NRARP: variants seen among roughly 807,000 people sequenced by gnomAD.
NRARP encodes the protein notch-regulated ankyrin repeat-containing protein.
For synonymous variants in NRARP, 81 were observed against 77.4 expected, an observed-to-expected ratio of 1.05 and a Z score of -0.25; for missense variants, 83 against 161.1, an observed-to-expected ratio of 0.52 and a Z score of 2.62.
rs1244804170 is a variant in NRARP, at chr9:137,302,022, C to G, written c.-94G>C. Reference sequence around the variant, plus strand: ...CCGGCTGTCTCGGGGCGCGCCTCGGCGCATGGAGGGCGCGGCGTCCCCGGG... The same window carrying G: ...CCGGCTGTCTCGGGGCGCGCCTCGGGGCATGGAGGGCGCGGCGTCCCCGGG... On this transcript the variant is annotated 5_prime_UTR_variant, in exon 1 of 1. Coordinates refer to ENST00000356628, the MANE Select transcript of NRARP (RefSeq NM_001004354.3). This position sits in a 1 kb window ranked among gnomAD's most constrained non-coding sequence, Gnocchi z 4.8. The G allele has an allele frequency of 4.7e-6, 2 of 426,440 alleles. No individual in the cohort carries two copies. Among genetic ancestry groups the G allele is most frequent in the African/African-American group, 4.4e-5 (2 of 45,898 alleles). The allele number at this position is 426,440 out of a possible 1,614,324, so 26.4% of individuals were successfully genotyped here. A position where few individuals can be genotyped will look rare whatever the true frequency, so the allele number is the denominator to read the frequency against.
Position 137,301,542 on chromosome 9 carries a change from A to G in NRARP, c.*42T>C. 1.4e-6 allele frequency: 2 copies of G among 1,401,044 alleles called. No individual in the cohort carries two copies. The highest frequency in any genetic ancestry group is 2.0e-6 in the Non-Finnish European group (2 of 1,025,600). The allele number at this position is 1,401,044 out of a possible 1,614,324, so 86.8% of individuals were successfully genotyped here. A position where few individuals can be genotyped will look rare whatever the true frequency, so the allele number is the denominator to read the frequency against. ...TAGTTGGCGGGAAGGTACAGCAGAG[A>G]CGACGCGGGCGCAGGGCCGGGGTCC... On this transcript the variant is annotated 3_prime_UTR_variant, in exon 1 of 1. Coordinates refer to ENST00000356628, the MANE Select transcript of NRARP (RefSeq NM_001004354.3). The surrounding 1 kb of genome is among the most constrained non-coding windows in gnomAD (Gnocchi z 9.1).
In NRARP at chr9:137,301,914, C is replaced by T. The variant is rs1234546152; in HGVS notation, c.15G>A (p.Glu5=). The part of the protein sequence containing the change: MSQA[E]LSTCSAPQTQ... ...TCTGCGGCGCGGAGCAGGTGGACAG[C>T]TCGGCCTGGCTCATGCTGCCGCCGG... The change falls in exon 1 of 1, where the codon GAG becomes GAA. Residue 5 remains glutamate (E), a synonymous_variant. Transcript: ENST00000356628. The surrounding 1 kb of genome is among the most constrained non-coding windows in gnomAD (Gnocchi z 9.1). The T allele has an allele frequency of 6.8e-7, 1 of 1,465,382 alleles. No homozygotes were observed. Among genetic ancestry groups the T allele is most frequent in the South Asian group, 1.3e-5 (1 of 77,344 alleles). 90.8% of individuals were successfully genotyped at this position (1,465,382 alleles called of 1,614,324 possible).
At position 137,302,082 on chromosome 9, in the gene NRARP, G is replaced by T. The variant is rs1830961317; in HGVS notation, c.-154C>A. The T allele has an allele frequency of 6.2e-6, 1 of 161,002 alleles. No individual in the cohort carries two copies. The highest frequency in any genetic ancestry group is 1.3e-5 in the Non-Finnish European group (1 of 79,814). The allele number at this position is 161,002 out of a possible 1,614,324, so 10.0% of individuals were successfully genotyped here. A position where few individuals can be genotyped will look rare whatever the true frequency, so the allele number is the denominator to read the frequency against. ...CCGCCTCTGGGCGCTCCGGGCGCTC[G>T]GGGCCGGGGGTCGCCGCCGCGGGGA... On this transcript the variant is annotated 5_prime_UTR_variant, in exon 1 of 1. Transcript: ENST00000356628. The surrounding 1 kb of genome is among the most constrained non-coding windows in gnomAD (Gnocchi z 4.8).
chr9:137,301,209 C>T lies in NRARP; in HGVS notation c.*375G>A, dbSNP rs1449682288. The T allele has an allele frequency of 2.0e-5, 3 of 152,030 alleles. No homozygotes were observed. Among genetic ancestry groups the T allele is most frequent in the African/African-American group, 7.2e-5 (3 of 41,428 alleles). The allele number at this position is 152,030 out of a possible 1,614,324, so 9.4% of individuals were successfully genotyped here. On this transcript the variant is annotated 3_prime_UTR_variant, in exon 1 of 1. Transcript: ENST00000356628. The surrounding 1 kb of genome is among the most constrained non-coding windows in gnomAD (Gnocchi z 9.1). ...GAGTCCGCCTTCGGCTCCCGCCGCC[C>T]GCCTTTCACCTTCGGGAGAAAACAT...
chr9:137,301,737 C>G lies in NRARP; in HGVS notation c.192G>C (p.Leu64=). The change falls in exon 1 of 1, where the codon CTG becomes CTC. Residue 64 remains leucine, a synonymous_variant. Transcript: ENST00000356628. This position sits in a 1 kb window ranked among gnomAD's most constrained non-coding sequence, Gnocchi z 9.1. ...ACTTGACCAGCAGCTTCACGAGCTC[C>G]AGGTTGCCGTCGATGACCGACTGGT... ...ALHQSVIDGN[L]ELVKLLVKFG... 2 of 1,611,384 alleles carry G rather than the reference C, an allele frequency of 1.2e-6. No individual in the cohort carries two copies. The highest frequency in any genetic ancestry group is 1.7e-6 in the Non-Finnish European group (2 of 1,179,666).
In NRARP at chr9:137,302,204, C is replaced by A. The variant is rs1443209357; in HGVS notation, c.-276G>T. ...CGGGGACGGCGGCGCCGCGCGGTCC[C>A]GGTCCCTACTCGGTTCGGCTGCGGC... On this transcript the variant is annotated 5_prime_UTR_variant, in exon 1 of 1. Coordinates refer to ENST00000356628, the MANE Select transcript of NRARP (RefSeq NM_001004354.3). The surrounding 1 kb of genome is among the most constrained non-coding windows in gnomAD (Gnocchi z 4.8). The A allele has an allele frequency of 2.1e-5, 3 of 146,134 alleles. No individual in the cohort carries two copies. The highest frequency in any genetic ancestry group is 7.4e-5 in the African/African-American group (3 of 40,746). 9.1% of individuals were successfully genotyped at this position (146,134 alleles called of 1,614,324 possible).
chr9:137,301,671 G>A lies in NRARP; in HGVS notation c.258C>T (p.Ser86=). Residue 86 remains serine, a synonymous_variant, in exon 1 of 1, where the codon AGC becomes AGT. Transcript: ENST00000356628. This position sits in a 1 kb window ranked among gnomAD's most constrained non-coding sequence, Gnocchi z 9.1. Reference sequence around the variant, plus strand: ...CACCGAACGCGGCGATGTGCAGCGCGCTCCAGCCGTCGCGGTTGGCCAGGC... The same window carrying A: ...CACCGAACGCGGCGATGTGCAGCGCACTCCAGCCGTCGCGGTTGGCCAGGC... ...DIRLANRDGW[S]ALHIAAFGGH... is the part of the protein sequence containing the mutation. The A allele has an allele frequency of 1.2e-6, 2 of 1,611,436 alleles. No individual in the cohort carries two copies. Among genetic ancestry groups the A allele is most frequent in the Middle Eastern group, 1.7e-4 (1 of 6,056 alleles).
In NRARP at chr9:137,302,001, C is replaced by T. The variant is rs1238471476; in HGVS notation, c.-73G>A. The T allele has an allele frequency of 4.7e-6, 3 of 645,084 alleles. No individual in the cohort carries two copies. The highest frequency in any genetic ancestry group is 5.8e-6 in the Non-Finnish European group (3 of 521,508). 40.0% of individuals were successfully genotyped at this position (645,084 alleles called of 1,614,324 possible). A position where few individuals can be genotyped will look rare whatever the true frequency, so the allele number is the denominator to read the frequency against. On this transcript the variant is annotated 5_prime_UTR_variant, in exon 1 of 1. Coordinates refer to ENST00000356628, the MANE Select transcript of NRARP (RefSeq NM_001004354.3). This position sits in a 1 kb window ranked among gnomAD's most constrained non-coding sequence, Gnocchi z 4.8. ...CGGCGGCTGCGGCGCGGGCCCCCGG[C>T]TGTCTCGGGGCGCGCCTCGGCGCAT...
rs570647229 is a variant in NRARP, at chr9:137,301,222, C to T, written c.*362G>A. ...GCTCCCGCCGCCCGCCTTTCACCTT[C>T]GGGAGAAAACATTTTGCGCAGAGGA... is the stretch of plus-strand genomic sequence containing the variant. On this transcript the variant is annotated 3_prime_UTR_variant, in exon 1 of 1. Transcript: ENST00000356628. This position sits in a 1 kb window ranked among gnomAD's most constrained non-coding sequence, Gnocchi z 9.1. 1 of 152,040 alleles carries T rather than the reference C, an allele frequency of 6.6e-6. No homozygotes were observed. Among genetic ancestry groups the T allele is most frequent in the African/African-American group, 2.4e-5 (1 of 41,428 alleles). 9.4% of individuals were successfully genotyped at this position (152,040 alleles called of 1,614,324 possible). A position where few individuals can be genotyped will look rare whatever the true frequency, so the allele number is the denominator to read the frequency against.
chr9:137,301,979 C>A lies in NRARP; in HGVS notation c.-51G>T. The A allele has an allele frequency of 1.2e-6, 1 of 867,772 alleles. No individual in the cohort carries two copies. Among genetic ancestry groups the A allele is most frequent in the South Asian group, 5.1e-5 (1 of 19,720 alleles). 53.8% of individuals were successfully genotyped at this position (867,772 alleles called of 1,614,324 possible). ...CCGGGCCGGGGCTCAGCGCGGGCGG[C>A]GGCTGCGGCGCGGGCCCCCGGCTGT... On this transcript the variant is annotated 5_prime_UTR_variant, in exon 1 of 1. Transcript: ENST00000356628. This position sits in a 1 kb window ranked among gnomAD's most constrained non-coding sequence, Gnocchi z 9.1.
Position 137,301,755 on chromosome 9 carries a change from C to G in NRARP, c.174G>C (p.Ser58=). ...CGAGCTCCAGGTTGCCGTCGATGAC[C>G]GACTGGTGCAGCGCCGTCTGGCCCT... The part of the protein sequence containing the change: ...GPEGQTALHQ[S]VIDGNLELVK... The change falls in exon 1 of 1, where the codon TCG becomes TCC. Residue 58 remains serine, a synonymous_variant. Coordinates refer to ENST00000356628, the MANE Select transcript of NRARP (RefSeq NM_001004354.3). The surrounding 1 kb of genome is among the most constrained non-coding windows in gnomAD (Gnocchi z 9.1). 6.2e-7 allele frequency: 1 copy of G among 1,610,926 alleles called. No homozygotes were observed. The highest frequency in any genetic ancestry group is 8.5e-7 in the Non-Finnish European group (1 of 1,179,680).
chr9:137,299,665 A>G lies in NRARP; in HGVS notation c.*1919T>C, dbSNP rs1035838548. Among the ~76,000 whole-genome samples, 19 of 152,224 alleles carry G rather than the reference A, an allele frequency of 1.2e-4. No individual in the cohort carries two copies. Among genetic ancestry groups the G allele is most frequent in the African/African-American group, 4.3e-4 (18 of 41,456 alleles). On this transcript the variant is annotated 3_prime_UTR_variant, in exon 1 of 1. Transcript: ENST00000356628. ...ACTTTTTTTTAATATAAAAAGATCAATGAAAAATTTATTTATAAATTTTTC... is the reference window on the plus strand; with the variant it reads ...ACTTTTTTTTAATATAAAAAGATCAGTGAAAAATTTATTTATAAATTTTTC...
rs1191557143 is a variant in NRARP at position 137,300,323 on chromosome 9, A to G, written c.*1261T>C. 2.0e-5 allele frequency among the ~76,000 whole-genome samples: 3 copies of G among 152,166 alleles called. No homozygotes were observed. The highest frequency in any genetic ancestry group is 7.2e-5 in the African/African-American group (3 of 41,426). On this transcript the variant is annotated 3_prime_UTR_variant, in exon 1 of 1. Coordinates refer to ENST00000356628, the MANE Select transcript of NRARP (RefSeq NM_001004354.3). ...AAAGGGGCAAAACGATCCTTCAATT[A>G]ACTCAGCCATTAGCACAAGAGATTC...
rs1448008434 is a variant in NRARP at position 137,299,830 on chromosome 9, A to C, written c.*1754T>G. Among the ~76,000 whole-genome samples the C allele has an allele frequency of 6.6e-6, 1 of 152,210 alleles. No individual in the cohort carries two copies. Among genetic ancestry groups the C allele is most frequent in the African/African-American group, 2.4e-5 (1 of 41,452 alleles). On this transcript the variant is annotated 3_prime_UTR_variant, in exon 1 of 1. Coordinates refer to ENST00000356628, the MANE Select transcript of NRARP (RefSeq NM_001004354.3). ...TTAACATTAATTAACATAATTAAAAAGGTATTTGCATCTAGAAAAAATATA... is the reference window on the plus strand; with the variant it reads ...TTAACATTAATTAACATAATTAAAACGGTATTTGCATCTAGAAAAAATATA...
rs1467616588 is a variant in NRARP, at chr9:137,301,960, C to A, written c.-32G>T. 2.8e-6 allele frequency: 3 copies of A among 1,083,282 alleles called. No individual in the cohort carries two copies. Among genetic ancestry groups the A allele is most frequent in the Admixed American group, 1.0e-4 (2 of 20,008 alleles). The allele number at this position is 1,083,282 out of a possible 1,614,324, so 67.1% of individuals were successfully genotyped here. On this transcript the variant is annotated 5_prime_UTR_variant, in exon 1 of 1. Coordinates refer to ENST00000356628, the MANE Select transcript of NRARP (RefSeq NM_001004354.3). This position sits in a 1 kb window ranked among gnomAD's most constrained non-coding sequence, Gnocchi z 9.1. ...GCCGGGCGCGGGCCGCGGGCCGGGC[C>A]GGGGCTCAGCGCGGGCGGCGGCTGC...
chr9:137,301,943 C>T lies in NRARP; in HGVS notation c.-15G>A. The T allele has an allele frequency of 7.9e-7, 1 of 1,272,706 alleles. No homozygotes were observed. The highest frequency in any genetic ancestry group is 1.0e-6 in the Non-Finnish European group (1 of 999,600). 78.8% of individuals were successfully genotyped at this position (1,272,706 alleles called of 1,614,324 possible). A position where few individuals can be genotyped will look rare whatever the true frequency, so the allele number is the denominator to read the frequency against. ...GCCTGGCTCATGCTGCCGCCGGGCG[C>T]GGGCCGCGGGCCGGGCCGGGGCTCA... On this transcript the variant is annotated 5_prime_UTR_variant, in exon 1 of 1. Transcript: ENST00000356628. This position sits in a 1 kb window ranked among gnomAD's most constrained non-coding sequence, Gnocchi z 9.1.
rs374602742 is a variant in NRARP at position 137,301,659 on chromosome 9, G to A, written c.270C>T (p.Ile90=). The A allele has an allele frequency of 8.1e-6, 13 of 1,611,036 alleles. No homozygotes were observed. Among genetic ancestry groups the A allele is most frequent in the Non-Finnish European group, 9.3e-6 (11 of 1,179,138 alleles). The stretch of plus-strand genomic sequence containing the variant: ...TGTCCTGGTGGCCACCGAACGCGGC[G>A]ATGTGCAGCGCGCTCCAGCCGTCGC... The part of the protein sequence containing the change: ...ANRDGWSALH[I]AAFGGHQDIV... Residue 90 remains isoleucine (I), a synonymous_variant, in exon 1 of 1, where the codon ATC becomes ATT. Coordinates refer to ENST00000356628, the MANE Select transcript of NRARP (RefSeq NM_001004354.3). This position sits in a 1 kb window ranked among gnomAD's most constrained non-coding sequence, Gnocchi z 9.1.
Position 137,301,481 on chromosome 9 carries a change from T to G in NRARP, c.*103A>C. 1 of 777,816 alleles carries G rather than the reference T, an allele frequency of 1.3e-6. No individual in the cohort carries two copies. The highest frequency in any genetic ancestry group is 1.9e-6 in the Non-Finnish European group (1 of 527,678). 48.2% of individuals were successfully genotyped at this position (777,816 alleles called of 1,614,324 possible). A position where few individuals can be genotyped will look rare whatever the true frequency, so the allele number is the denominator to read the frequency against. On this transcript the variant is annotated 3_prime_UTR_variant, in exon 1 of 1. Transcript: ENST00000356628. This position sits in a 1 kb window ranked among gnomAD's most constrained non-coding sequence, Gnocchi z 9.1. ...GCCGTATTCGCCGTGGCCACGGGCC[T>G]TCTGGCGGGGCCTGCGAGCCGGGCG... is the stretch of plus-strand genomic sequence containing the variant.
chr9:137,301,474 A>G lies in NRARP; in HGVS notation c.*110T>C, dbSNP rs553878795. 1.1e-3 allele frequency: 750 copies of G among 712,602 alleles called. 10 individuals are homozygous for G. Among genetic ancestry groups the G allele is most frequent in the African/African-American group, 6.8e-3 (359 of 52,770 alleles). The allele number at this position is 712,602 out of a possible 1,614,324, so 44.1% of individuals were successfully genotyped here. ...CGCACGCGCCGTATTCGCCGTGGCC[A>G]CGGGCCTTCTGGCGGGGCCTGCGAG... On this transcript the variant is annotated 3_prime_UTR_variant, in exon 1 of 1. Transcript: ENST00000356628. This position sits in a 1 kb window ranked among gnomAD's most constrained non-coding sequence, Gnocchi z 9.1.
Sources: allele counts gnomAD v4.1 joint callset (sites outside exome capture counted in the v4.1 genomes callset), GRCh38; gene constraint gnomAD v4.1.1; non-coding constraint Gnocchi (gnomAD v3.1); transcripts MANE v1.5; gene names NCBI Gene and HGNC (gene_info 2026-07-23, HGNC 2026-07-21).